The following PRIM2 variants were observed in gnomAD, a reference collection of about 807,000 sequenced individuals.
PRIM2 encodes DNA primase subunit 2.
Under a neutral mutation model 67.3 loss-of-function variants are expected in PRIM2, and 39 were observed. That is an observed-to-expected ratio of 0.58 (90% CI 0.45 to 0.76). The LOEUF (loss-of-function observed/expected upper bound fraction) is 0.76. Among genes scored for constraint, PRIM2 ranks in the 30% least tolerant of loss-of-function variants. The pLI, the probability that PRIM2 is intolerant of heterozygous loss-of-function variation, is 0.00. For missense variants in PRIM2, 398 were observed against 598.7 expected (o/e 0.66, Z 3.50); for synonymous variants, 143 against 198.7 (o/e 0.72, Z 2.36).
chr6:57,387,402 T>A (rs535717662), intron 7 of PRIM2, among the ~76,000 whole-genome samples: 1 of 152,316 alleles, frequency 6.6e-6, no homozygotes, highest in South Asian at 2.1e-4. Flanking sequence ...GGTTATAATG[T>A]GCATTATATG....
chr6:57,372,616 C>T (rs768642247), intron 5 of PRIM2, among the ~76,000 whole-genome samples: 2 of 152,186 alleles, frequency 1.3e-5, no homozygotes, highest in Non-Finnish European at 1.5e-5. Flanking sequence ...ACCTCCCACC[C>T]TCCAAAAGGC....
intron 13 of PRIM2, among the ~76,000 whole-genome samples, chr6:57,641,247 A>T (rs2127501785): frequency 6.6e-6 from 1 of 152,272 alleles, no homozygotes; most frequent in South Asian, 2.1e-4. Flanking sequence ...CTCAAGTTGG[A>T]TTAAAGACTT....
Position 57,584,848 on chromosome 6 carries a change from A to T in PRIM2, c.1021-16245A>T, listed in dbSNP as rs1229191081. Among the ~76,000 whole-genome samples, 5 of 152,324 alleles carry T rather than the reference A, an allele frequency of 3.3e-5. No individual in the cohort carries two copies. The East Asian group carries it at 9.6e-4, about 29-fold the overall frequency. On this transcript the variant is annotated intron_variant, in intron 10 of 13. Coordinates refer to ENST00000615550, the MANE Select transcript of PRIM2 (RefSeq NM_000947.5). ...AATACATACTTACAGTTTAGTCTAC[A>T]AAGAGATTGAGGTAACTTATAATTG...
intron 10 of PRIM2, among the ~76,000 whole-genome samples, chr6:57,600,304 A>G (rs1450263165): frequency 6.6e-6 from 1 of 151,378 alleles, no homozygotes; most frequent in Non-Finnish European, 1.5e-5. Context: ...GCATTTGCTG[A>G]CTACTTTGTA....
the PRIM2 span, among the ~76,000 whole-genome samples, chr6:57,277,077 G>A: frequency 6.6e-6 from 1 of 152,112 alleles, no homozygotes; most frequent in African/African-American, 2.4e-5. Flanking sequence ...GTTCCAGTGG[G>A]TGTGTTGTTT....
chr6:57,576,162 G>A (rs1392831558), intron 10 of PRIM2, among the ~76,000 whole-genome samples: 1 of 152,058 alleles, frequency 6.6e-6, no homozygotes, highest in Non-Finnish European at 1.5e-5. Context: ...GGGAAGGCAT[G>A]TTCATGATAA....
upstream of PRIM2, among the ~76,000 whole-genome samples, chr6:57,311,632 G>T (rs1041887732): frequency 6.6e-6 from 1 of 152,098 alleles, no homozygotes; most frequent in African/African-American, 2.4e-5. Context: ...GGGGTGACCG[G>T]CGGGCAGAGG....
At chr6:57,601,676 T>G (rs1776470066) in intron 11 of PRIM2, among the ~76,000 whole-genome samples, 1 of 152,202 alleles carries the variant, frequency 6.6e-6, no homozygotes, top group Admixed American at 6.5e-5. Context: ...CAACAAAGAT[T>G]AAGTGGGCAA....
chr6:57,244,216 A>G, the PRIM2 span, among the ~76,000 whole-genome samples: 1 of 152,172 alleles, frequency 6.6e-6, no homozygotes, highest in Non-Finnish European at 1.5e-5. Context: ...GCAAGTTTGA[A>G]TCCTTTATTT....
At chr6:57,268,893 T>A in the PRIM2 span, among the ~76,000 whole-genome samples, 1 of 151,278 alleles carries the variant, frequency 6.6e-6, no homozygotes, top group Non-Finnish European at 1.5e-5. Context: ...GTTTGGTTTT[T>A]TGTCCTTGCG....
chr6:57,275,626 T>C, the PRIM2 span, among the ~76,000 whole-genome samples: 69 of 152,378 alleles, frequency 4.5e-4, no homozygotes, highest in Admixed American at 9.1e-4. Context: ...TTTCGTGTCA[T>C]CTTTAAGTCA....
intron 12 of PRIM2, among the ~76,000 whole-genome samples, chr6:57,607,850 G>A (rs1244842633): frequency 0.014 from 2,063 of 152,166 alleles, 23 homozygotes; most frequent in African/African-American, 0.047. Context: ...GATAATTTAG[G>A]ACTAGAAATC....
intron 5 of PRIM2, among the ~76,000 whole-genome samples, chr6:57,370,693 C>CTTT (rs66953171): frequency 5.0e-4 from 61 of 121,984 alleles, no homozygotes; most frequent in Non-Finnish European, 7.6e-4. Flanking sequence ...CTATCTATAG[C>CTTT]TTTTTTTTTT....
At chr6:57,266,854 C>A in the PRIM2 span, among the ~76,000 whole-genome samples, 2 of 151,874 alleles carry the variant, frequency 1.3e-5, no homozygotes, top group East Asian at 1.9e-4. Context: ...GGTATCTTAA[C>A]GTCCAAAATA....
At chr6:57,500,215 C>T (rs2127457214) in intron 7 of PRIM2, among the ~76,000 whole-genome samples, 1 of 152,266 alleles carries the variant, frequency 6.6e-6, no homozygotes, top group East Asian at 1.9e-4. Context: ...GGCTCTTCAT[C>T]TTGGATCCCT....
intron 7 of PRIM2, among the ~76,000 whole-genome samples, chr6:57,423,161 A>G (rs1310139367): frequency 3.3e-5 from 5 of 152,040 alleles, no homozygotes; most frequent in Non-Finnish European, 7.4e-5. Context: ...GTCTGTTTTC[A>G]TTTCTTCATT....
chr6:57,380,271 C>T (rs1318530030), intron 6 of PRIM2, among the ~76,000 whole-genome samples: 3 of 152,136 alleles, frequency 2.0e-5, no homozygotes, highest in Admixed American at 6.5e-5. Flanking sequence ...TGGGTTCTTA[C>T]ACCCTGCACT....
chr6:57,563,798 T>C (rs1210619417), intron 10 of PRIM2, among the ~76,000 whole-genome samples: 5 of 152,112 alleles, frequency 3.3e-5, no homozygotes, highest in Non-Finnish European at 7.4e-5. Context: ...GTATCTGGGA[T>C]TACAGGCACA....
chr6:57,365,941 C>A (rs1157667991), intron 5 of PRIM2, among the ~76,000 whole-genome samples: 3 of 107,282 alleles, frequency 2.8e-5, no homozygotes, highest in Non-Finnish European at 3.4e-5. Context: ...CAGAGTGAGA[C>A]CATATCTCAA....
Sources: gnomAD v4.1 joint callset for allele counts (sites outside exome capture counted in the v4.1 genomes callset) on GRCh38, gnomAD v4.1.1 for gene constraint, MANE v1.5 for transcripts, NCBI Gene and HGNC (gene_info 2026-07-23, HGNC 2026-07-21) for gene names.